The following ETFA variants were observed in gnomAD, a reference collection of about 807,000 sequenced individuals.
The protein encoded by ETFA is electron transfer flavoprotein subunit alpha, also known as electron transfer flavoprotein subunit alpha, mitochondrial.
In ETFA, 22 loss-of-function variants were observed where a neutral mutation model predicts 46.2. That is an observed-to-expected ratio of 0.48 (90% confidence interval 0.34 to 0.68). The LOEUF is 0.68. Among genes scored for constraint, ETFA ranks in the 30% least tolerant of loss-of-function variants. The probability of loss-of-function intolerance (pLI) is 0.01; values close to 1 mark genes in which losing one functional copy is unlikely to be tolerated. For synonymous variants in ETFA, 131 were observed against 139.9 expected, an observed-to-expected ratio of 0.94 and a Z score of 0.45; for missense variants, 345 against 401.1, an observed-to-expected ratio of 0.86 and a Z score of 1.19.
At chr15:76,253,851 G>C (rs1206764639) in intron 9 of ETFA, among the ~76,000 whole-genome samples, 1 of 152,196 alleles carries the variant, frequency 6.6e-6, no homozygotes, top group Non-Finnish European at 1.5e-5. Context: ...ACTAGTCAGA[G>C]CACAAGTGAA....
intron 9 of ETFA, among the ~76,000 whole-genome samples, chr15:76,233,541 G>A (rs1215165947): frequency 2.0e-5 from 3 of 151,940 alleles, no homozygotes; most frequent in Non-Finnish European, 2.9e-5. Context: ...TGTTGGCCAG[G>A]CTGGTCTCGA....
At chr15:76,293,124 G>A (rs1266221935) in intron 2 of ETFA, among the ~76,000 whole-genome samples, 1 of 152,168 alleles carries the variant, frequency 6.6e-6, no homozygotes, top group Non-Finnish European at 1.5e-5. Flanking sequence ...GCGAAAGAGT[G>A]AAACTCCATC....
chr15:76,216,253 CCTTTT>C lies in ETFA; in HGVS notation c.*301_*305del. The C allele has an allele frequency of 3.8e-6, 1 of 266,088 alleles. No homozygotes were observed. The highest frequency in any genetic ancestry group is 7.0e-6 in the Non-Finnish European group (1 of 142,272). The allele number at this position is 266,088 out of a possible 1,614,324, so 16.5% of individuals were successfully genotyped here. A position where few individuals can be genotyped will look rare whatever the true frequency, so the allele number is the denominator to read the frequency against. On this transcript the variant is annotated 3_prime_UTR_variant, in exon 12 of 12. Coordinates refer to ENST00000557943, the MANE Select transcript of ETFA (RefSeq NM_000126.4). ...TAAATAAATAAACAAAATTTTTACT[CCTTTT>C]CTTCAATTTTCTCTAGAGGCTAGGC...
At position 76,216,495 on chromosome 15, in the gene ETFA, CAAA is replaced by C; in HGVS notation, c.*61_*63del. The C allele has an allele frequency of 2.0e-6, 2 of 979,818 alleles. No homozygotes were observed. The highest frequency in any genetic ancestry group is 3.3e-6 in the Non-Finnish European group (2 of 606,404). The allele number at this position is 979,818 out of a possible 1,614,324, so 60.7% of individuals were successfully genotyped here. A position where few individuals can be genotyped will look rare whatever the true frequency, so the allele number is the denominator to read the frequency against. Reference sequence around the variant, plus strand: ...TTTCCAATGATTGTTATAATACCCACAAATATCTGTGATTTCAGTGGAATACTT... The same window carrying C: ...TTTCCAATGATTGTTATAATACCCACTATCTGTGATTTCAGTGGAATACTT... On this transcript the variant is annotated 3_prime_UTR_variant, in exon 12 of 12. Coordinates refer to ENST00000557943, the MANE Select transcript of ETFA (RefSeq NM_000126.4).
chr15:76,288,917 C>CTTTT (rs1380290288), intron 4 of ETFA, among the ~76,000 whole-genome samples: 1 of 14,318 alleles, frequency 7.0e-5, no homozygotes, highest in East Asian at 2.3e-3. Context: ...TCTTCTTCTT[C>CTTTT]TTCTTTTTTT....
At chr15:76,247,400 C>A (rs1046221580) in intron 9 of ETFA, among the ~76,000 whole-genome samples, 6 of 152,148 alleles carry the variant, frequency 3.9e-5, no homozygotes, top group Admixed American at 1.3e-4. Context: ...TCTAAGACTG[C>A]AGACAATGGT....
In ETFA at chr15:76,286,497, T is replaced by C. The variant is rs764995915; in HGVS notation, c.452-16A>G. 7 of 1,559,146 alleles carry C rather than the reference T, an allele frequency of 4.5e-6. No individual in the cohort carries two copies. In the South Asian group the frequency reaches 7.8e-5, roughly 17 times the overall value. ...AGAGCATTTCCTGAAACATACAATC[T>C]ATTTCTTAAAAGCAACAGCAAAAGG... On this transcript the variant is annotated splice_polypyrimidine_tract_variant and intron_variant, in intron 5 of 11. Transcript: ENST00000557943.
intron 9 of ETFA, among the ~76,000 whole-genome samples, chr15:76,234,665 T>A (rs1239495907): frequency 6.6e-6 from 1 of 151,912 alleles, no homozygotes; most frequent in Non-Finnish European, 1.5e-5. Context: ...AGAGTGAGAA[T>A]TTAGAAGAGA....
intron 6 of ETFA, 151 bp downstream of exon 6, chr15:76,286,220 T>G (rs1233907490): frequency 3.4e-6 from 2 of 590,580 alleles, no homozygotes; most frequent in African/African-American, 3.7e-5. Flanking sequence ...TACATATTTA[T>G]TATTTTTGTA....
At chr15:76,227,530 G>GAAAAAAAAAAAAAAAAAAAAAAA (rs1567196426) in intron 10 of ETFA, among the ~76,000 whole-genome samples, 2 of 44,980 alleles carry the variant, frequency 4.4e-5, no homozygotes, top group African/African-American at 1.6e-4. Flanking sequence ...AAAAAAAAAG[G>GAAAAAAAAAAAAAAAAAAAAAAA]AAAAGCTATC....
At chr15:76,263,346 C>T (rs897927539) in intron 9 of ETFA, among the ~76,000 whole-genome samples, 14 of 152,072 alleles carry the variant, frequency 9.2e-5, no homozygotes, top group African/African-American at 2.7e-4. Flanking sequence ...CAACATGGGG[C>T]GACAAAGACC....
At chr15:76,309,516 A>G (rs754499484) in intron 1 of ETFA, among the ~76,000 whole-genome samples, 3 of 152,254 alleles carry the variant, frequency 2.0e-5, no homozygotes, top group Non-Finnish European at 4.4e-5. Flanking sequence ...AATTTTAAAA[A>G]TAAGTCAAGG....
chr15:76,278,885 T>C (rs2039622013), intron 8 of ETFA, among the ~76,000 whole-genome samples: 1 of 152,134 alleles, frequency 6.6e-6, no homozygotes, highest in African/African-American at 2.4e-5. Flanking sequence ...CAGGGGAGAA[T>C]TACTGAGGGA....
chr15:76,261,699 A>G lies in ETFA; in HGVS notation c.816+12713T>C, dbSNP rs565011225. The G allele has an allele frequency of 5.8e-3, 1,680 of 292,066 alleles. 8 individuals carry two copies. The highest frequency in any genetic ancestry group is 8.6e-3 in the Non-Finnish European group (1,380 of 159,686). The allele number at this position is 292,066 out of a possible 1,614,324, so 18.1% of individuals were successfully genotyped here. A position where few individuals can be genotyped will look rare whatever the true frequency, so the allele number is the denominator to read the frequency against. On this transcript the variant is annotated intron_variant, in intron 9 of 11. Transcript: ENST00000557943. Reference sequence around the variant, plus strand: ...CTGTGCCTCAGCACCATCTGTGGTGATGCCATACCATGCCAGGCCCGGCCC... The same window carrying G: ...CTGTGCCTCAGCACCATCTGTGGTGGTGCCATACCATGCCAGGCCCGGCCC...
At chr15:76,255,606 T>C (rs7167004) in intron 9 of ETFA, among the ~76,000 whole-genome samples, 14,712 of 152,298 alleles carry the variant, frequency 0.097, 871 homozygotes, top group Middle Eastern at 0.15. Context: ...AATTATACTT[T>C]TGCCTGACAA....
At chr15:76,286,615 TA>T (rs1181473690) in intron 5 of ETFA, 134 bp from the exon 6 acceptor site, 2 of 690,836 alleles carry the variant, frequency 2.9e-6, no homozygotes, top group African/African-American at 3.6e-5. Flanking sequence ...CTCTATTAAG[TA>T]TAGGAAAAAA....
In ETFA at chr15:76,285,758, AT is replaced by A. The variant is rs2039699741; in HGVS notation, c.563-21del. 7.5e-7 allele frequency: 1 copy of A among 1,326,968 alleles called. No homozygotes were observed. Among genetic ancestry groups the A allele is most frequent in the East Asian group, 2.3e-5 (1 of 43,554 alleles). The allele number at this position is 1,326,968 out of a possible 1,614,324, so 82.2% of individuals were successfully genotyped here. A position where few individuals can be genotyped will look rare whatever the true frequency, so the allele number is the denominator to read the frequency against. On this transcript the variant is annotated intron_variant, in intron 6 of 11. Transcript: ENST00000557943. ...TTGATGCTGCATACATTAATACATA[AT>A]AAAACAATGACTATGATTTCAAGTT...
At chr15:76,286,325 TA>T in intron 6 of ETFA, 45 bp downstream of exon 6, 1 of 1,103,606 alleles carries the variant, frequency 9.1e-7, no homozygotes, top group South Asian at 1.3e-5. Context: ...GTCTATGAAT[TA>T]AAAAAGTAAG....
intron 8 of ETFA, among the ~76,000 whole-genome samples, chr15:76,280,807 T>C (rs888680189): frequency 1.3e-5 from 2 of 152,102 alleles, no homozygotes; most frequent in Admixed American, 6.5e-5. Flanking sequence ...GATGTGTTCC[T>C]GCGTTAGACA....
Sources: gnomAD v4.1 joint callset for allele counts (sites outside exome capture counted in the v4.1 genomes callset) on GRCh38, gnomAD v4.1.1 for gene constraint, MANE v1.5 for transcripts, NCBI Gene and HGNC (gene_info 2026-07-23, HGNC 2026-07-21) for gene names.